The following PPP2R5E variants were observed in gnomAD, a reference collection of about 807,000 sequenced individuals.
PPP2R5E encodes the protein serine/threonine-protein phosphatase 2A 56 kDa regulatory subunit epsilon isoform.
In PPP2R5E, 4 loss-of-function variants were observed where a neutral mutation model predicts 65.3. That is an observed-to-expected ratio of 0.06 (90% confidence interval 0.03 to 0.14). PPP2R5E has a LOEUF of 0.14. Ranked by LOEUF, PPP2R5E falls within the 10% of genes least tolerant of loss-of-function variation. The pLI is 1.00. For missense variants in PPP2R5E, 274 were observed against 556.1 expected, an observed-to-expected ratio of 0.49 and a Z score of 5.10; for synonymous variants, 183 against 187.4, an observed-to-expected ratio of 0.98 and a Z score of 0.19.
chr14:63,536,905 C>A (rs1226271374), intron 2 of PPP2R5E, among the ~76,000 whole-genome samples: 1 of 152,138 alleles, frequency 6.6e-6, no homozygotes, highest in Non-Finnish European at 1.5e-5. Flanking sequence ...AGGTACAGAG[C>A]TTCAGTTGGG....
At chr14:63,432,539 C>T (rs866116868) in intron 3 of PPP2R5E, among the ~76,000 whole-genome samples, 2 of 152,044 alleles carry the variant, frequency 1.3e-5, no homozygotes, top group Non-Finnish European at 2.9e-5. Flanking sequence ...GTCAACACTT[C>T]GTTAGAAGGG....
chr14:63,526,845 G>A (rs1031010880), intron 2 of PPP2R5E, among the ~76,000 whole-genome samples: 14 of 152,210 alleles, frequency 9.2e-5, no homozygotes, highest in Admixed American at 2.6e-4. Context: ...ACAGGTGTGA[G>A]CTACTGCGCC....
intron 2 of PPP2R5E, among the ~76,000 whole-genome samples, chr14:63,502,474 G>A (rs776854708): frequency 1.4e-4 from 22 of 152,066 alleles, no homozygotes; most frequent in Non-Finnish European, 2.6e-4. Flanking sequence ...TCAGGAGTTC[G>A]ACACCAGCCT....
intron 12 of PPP2R5E, among the ~76,000 whole-genome samples, 175 bp from the exon 13 acceptor site, chr14:63,382,332 A>C (rs1406328503): frequency 6.6e-6 from 1 of 151,888 alleles, no homozygotes; most frequent in Non-Finnish European, 1.5e-5. Flanking sequence ...ACATCAAGAG[A>C]TTTCAAGGCA....
intron 2 of PPP2R5E, among the ~76,000 whole-genome samples, chr14:63,508,757 C>T (rs961235531): frequency 1.8e-4 from 27 of 152,242 alleles, no homozygotes; most frequent in African/African-American, 6.3e-4. Context: ...CCTCTTTCCA[C>T]TAAATATTTA....
intron 2 of PPP2R5E, among the ~76,000 whole-genome samples, chr14:63,522,404 C>T (rs531916870): frequency 6.6e-6 from 1 of 151,026 alleles, no homozygotes; most frequent in African/African-American, 2.4e-5. Flanking sequence ...CCTGGCCGCC[C>T]ATCATCTGGG....
At chr14:63,412,359 T>C (rs1166638786) in intron 5 of PPP2R5E, among the ~76,000 whole-genome samples, 11 of 152,236 alleles carry the variant, frequency 7.2e-5, no homozygotes, top group African/African-American at 1.9e-4. Context: ...TTAACATAAG[T>C]TGGCAATGTC....
chr14:63,386,645 G>A (rs1201516546), intron 11 of PPP2R5E, among the ~76,000 whole-genome samples: 1 of 152,148 alleles, frequency 6.6e-6, no homozygotes, highest in East Asian at 1.9e-4. Flanking sequence ...AGGTGGGGCT[G>A]GGTGTGGTGG....
chr14:63,403,374 C>T (rs1303516361), intron 5 of PPP2R5E, among the ~76,000 whole-genome samples: 3 of 118,386 alleles, frequency 2.5e-5, no homozygotes, highest in African/African-American at 7.2e-5. Flanking sequence ...GGCGACAAAG[C>T]GAGAGTCTGT....
At chr14:63,519,685 A>G (rs1050378374) in intron 2 of PPP2R5E, among the ~76,000 whole-genome samples, 33 of 140,616 alleles carry the variant, frequency 2.3e-4, no homozygotes, top group African/African-American at 8.6e-4. Context: ...TTTTTTTGAG[A>G]CAGAGTTGCT....
chr14:63,378,206 T>C (rs887169577), intron 13 of PPP2R5E, among the ~76,000 whole-genome samples: 1 of 152,230 alleles, frequency 6.6e-6, no homozygotes, highest in Middle Eastern at 3.2e-3. Flanking sequence ...ACCTTTTTAT[T>C]TGGAGAGATA....
Position 63,384,425 on chromosome 14 carries a change from A to G in PPP2R5E, c.1202+19T>C, listed in dbSNP as rs1884539726. 6.2e-7 allele frequency: 1 copy of G among 1,607,628 alleles called. No homozygotes were observed. Among genetic ancestry groups the G allele is most frequent in the Non-Finnish European group, 8.5e-7 (1 of 1,175,576 alleles). On this transcript the variant is annotated intron_variant, in intron 12 of 13. Coordinates refer to ENST00000337537, the MANE Select transcript of PPP2R5E (RefSeq NM_006246.5). The stretch of plus-strand genomic sequence containing the variant: ...GAGGAAGGGAGGAAGAGAACGGAGG[A>G]AAGAAACTGAAAACCTACGGATTCC...
chr14:63,409,890 A>G (rs1886305058), intron 5 of PPP2R5E, among the ~76,000 whole-genome samples: 1 of 152,224 alleles, frequency 6.6e-6, no homozygotes, highest in Non-Finnish European at 1.5e-5. Flanking sequence ...GTCATACTGC[A>G]AGTAGGCAGA....
chr14:63,506,028 T>C (rs147286990), intron 2 of PPP2R5E, among the ~76,000 whole-genome samples: 1 of 152,328 alleles, frequency 6.6e-6, no homozygotes, highest in East Asian at 1.9e-4. Context: ...TCTGAGCATG[T>C]AAATATTTGC....
chr14:63,427,346 T>C (rs1224829252), intron 3 of PPP2R5E, among the ~76,000 whole-genome samples: 1 of 152,186 alleles, frequency 6.6e-6, no homozygotes, highest in East Asian at 1.9e-4. Context: ...TACAGTATAT[T>C]AGATACATTT....
intron 3 of PPP2R5E, 99 bp from the exon 4 acceptor site, chr14:63,422,193 C>T (rs1487671837): frequency 8.7e-6 from 8 of 917,186 alleles, no homozygotes; most frequent in Admixed American, 2.0e-5. Flanking sequence ...GATAACAATG[C>T]ACAAGGAACA....
chr14:63,434,017 T>C (rs1279063822), intron 3 of PPP2R5E, among the ~76,000 whole-genome samples: 2 of 152,214 alleles, frequency 1.3e-5, no homozygotes, highest in South Asian at 2.1e-4. Flanking sequence ...TTATTTCCTT[T>C]CAGTAATAAC....
chr14:63,378,630 T>C (rs1169927159), intron 13 of PPP2R5E, among the ~76,000 whole-genome samples: 1 of 152,192 alleles, frequency 6.6e-6, no homozygotes, highest in East Asian at 1.9e-4. Flanking sequence ...CTGACACAGT[T>C]ATTGTCACCC....
intron 2 of PPP2R5E, among the ~76,000 whole-genome samples, chr14:63,498,664 T>A (rs1051291315): frequency 1.3e-5 from 2 of 151,854 alleles, no homozygotes. Flanking sequence ...GCTCAAGTAA[T>A]CCTCCCACCT....
Sources: allele counts gnomAD v4.1 joint callset (sites outside exome capture counted in the v4.1 genomes callset), GRCh38; gene constraint gnomAD v4.1.1; transcripts MANE v1.5; gene names NCBI Gene and HGNC (gene_info 2026-07-23, HGNC 2026-07-21).